Variants in ST6GALNAC3 observed in about 807,000 individuals in gnomAD.
ST6GALNAC3 encodes the protein ST6 N-acetylgalactosaminide alpha-2,6-sialyltransferase 3, also known as alpha-N-acetylgalactosaminide alpha-2,6-sialyltransferase 3.
A neutral mutation model predicts 32.7 loss-of-function variants in ST6GALNAC3; 25 were observed. That is an observed-to-expected ratio of 0.76 (90% confidence interval 0.56 to 1.07). The LOEUF (loss-of-function observed/expected upper bound fraction) is 1.07. ST6GALNAC3 is among the 50% of genes least tolerant of loss of function. The pLI, the probability that ST6GALNAC3 is intolerant of heterozygous loss-of-function variation, is 0.00. For missense variants in ST6GALNAC3, 355 were observed against 382.4 expected (o/e 0.93, Z 0.60); for synonymous variants, 129 against 133.1 (o/e 0.97, Z 0.21).
At chr1:76,336,229 C>G (rs1647462117) in intron 2 of ST6GALNAC3, among the ~76,000 whole-genome samples, 1 of 152,116 alleles carries the variant, frequency 6.6e-6, no homozygotes, top group African/African-American at 2.4e-5. Context: ...GTTCAGTGAT[C>G]TTGAATTTTT....
intron 2 of ST6GALNAC3, among the ~76,000 whole-genome samples, chr1:76,397,374 T>TTTC (rs1275551607): frequency 6.7e-6 from 1 of 149,592 alleles, no homozygotes; most frequent in Non-Finnish European, 1.5e-5. Flanking sequence ...AGATGCTTTT[T>TTTC]TTTTTTTTTT....
At chr1:76,475,411 G>C (rs1237687019) in intron 3 of ST6GALNAC3, among the ~76,000 whole-genome samples, 1 of 152,134 alleles carries the variant, frequency 6.6e-6, no homozygotes, top group Admixed American at 6.6e-5. Flanking sequence ...AGCAGAATAT[G>C]TATGAAAAGC....
chr1:76,572,893 A>G (rs1557587640), intron 3 of ST6GALNAC3, among the ~76,000 whole-genome samples: 1 of 152,110 alleles, frequency 6.6e-6, no homozygotes, highest in Non-Finnish European at 1.5e-5. Context: ...GAAGAATTTT[A>G]GGTAGTGTCT....
At chr1:76,146,244 C>A (rs1182010109) in intron 1 of ST6GALNAC3, among the ~76,000 whole-genome samples, 1 of 152,188 alleles carries the variant, frequency 6.6e-6, no homozygotes, top group Non-Finnish European at 1.5e-5. Flanking sequence ...CCTTCTCTAT[C>A]CCTTCAGGAT....
chr1:76,332,816 C>T (rs1647215958), intron 2 of ST6GALNAC3, among the ~76,000 whole-genome samples: 1 of 152,088 alleles, frequency 6.6e-6, no homozygotes, highest in Non-Finnish European at 1.5e-5. Flanking sequence ...ATATTTAATA[C>T]ATTTCTGAAT....
At chr1:76,403,877 T>TGG (rs1180426862) in intron 2 of ST6GALNAC3, among the ~76,000 whole-genome samples, 1 of 152,068 alleles carries the variant, frequency 6.6e-6, no homozygotes, top group African/African-American at 2.4e-5. Flanking sequence ...ATATGAATTA[T>TGG]TACCATAATT....
intron 3 of ST6GALNAC3, among the ~76,000 whole-genome samples, chr1:76,459,406 T>C (rs1398443188): frequency 2.0e-5 from 3 of 151,904 alleles, no homozygotes; most frequent in Admixed American, 2.0e-4. Context: ...CTACTAAAAA[T>C]ACAAAAAATT....
In ST6GALNAC3 at chr1:76,083,991, T is replaced by C. The variant is rs547283177; in HGVS notation, c.18+9107T>C. ...TTTTTAAAAGGTAAATTAATTAAAA[T>C]GAAATGAAATTTTAAAAATGTGGTT... On this transcript the variant is annotated intron_variant, in intron 1 of 4. Coordinates refer to ENST00000328299, the MANE Select transcript of ST6GALNAC3 (RefSeq NM_152996.4). Among the ~76,000 whole-genome samples, 4 of 152,344 alleles carry C rather than the reference T, an allele frequency of 2.6e-5. No homozygotes were observed. In the East Asian group the frequency reaches 7.7e-4, roughly 29 times the overall value.
chr1:76,174,319 G>A (rs1052952221), intron 1 of ST6GALNAC3, among the ~76,000 whole-genome samples: 52 of 152,106 alleles, frequency 3.4e-4, no homozygotes, highest in Non-Finnish European at 7.4e-4. Flanking sequence ...GCTTGTTGTG[G>A]GATGGGGGTG....
Position 76,074,750 on chromosome 1 carries a change from C to T in ST6GALNAC3, c.-117C>T, listed in dbSNP as rs1646787473. On this transcript the variant is annotated 5_prime_UTR_variant, in exon 1 of 5. Coordinates refer to ENST00000328299, the MANE Select transcript of ST6GALNAC3 (RefSeq NM_152996.4). ...TACACCGCGGTCCCCTTATTTGGAT[C>T]TGCGGGAATGTGGGCTGGAGAGGTC... 2 of 1,150,070 alleles carry T rather than the reference C, an allele frequency of 1.7e-6. No individual in the cohort carries two copies. Among genetic ancestry groups the T allele is most frequent in the African/African-American group, 3.1e-5 (2 of 63,700 alleles). The allele number at this position is 1,150,070 out of a possible 1,614,324, so 71.2% of individuals were successfully genotyped here. A position where few individuals can be genotyped will look rare whatever the true frequency, so the allele number is the denominator to read the frequency against.
At chr1:76,544,569 G>A (rs2100312958) in intron 3 of ST6GALNAC3, among the ~76,000 whole-genome samples, 1 of 152,280 alleles carries the variant, frequency 6.6e-6, no homozygotes, top group Non-Finnish European at 1.5e-5. Context: ...TTCCTGGCAA[G>A]AGCAACTTGC....
chr1:76,373,903 C>A (rs1320874606), intron 2 of ST6GALNAC3, among the ~76,000 whole-genome samples: 3 of 152,150 alleles, frequency 2.0e-5, no homozygotes, highest in Admixed American at 2.0e-4. Flanking sequence ...AACCCCTTCC[C>A]ACCCCCACCA....
chr1:76,528,716 A>G (rs1442212315), intron 3 of ST6GALNAC3, among the ~76,000 whole-genome samples: 1 of 151,794 alleles, frequency 6.6e-6, no homozygotes, highest in Non-Finnish European at 1.5e-5. Flanking sequence ...ATCAGCATCC[A>G]TGCCTGAAGT....
At chr1:76,466,349 A>G (rs1028265312) in intron 3 of ST6GALNAC3, among the ~76,000 whole-genome samples, 6 of 152,072 alleles carry the variant, frequency 3.9e-5, no homozygotes, top group African/African-American at 7.2e-5. Context: ...TATTCTGACT[A>G]CCAGTTCACA....
At chr1:76,127,902 CT>C (rs1267147036) in intron 1 of ST6GALNAC3, among the ~76,000 whole-genome samples, 1 of 152,168 alleles carries the variant, frequency 6.6e-6, no homozygotes, top group Non-Finnish European at 1.5e-5. Flanking sequence ...TTACTCTCAC[CT>C]TTAAGGCCCT....
At chr1:76,138,426 T>C (rs1650083691) in intron 1 of ST6GALNAC3, among the ~76,000 whole-genome samples, 2 of 147,994 alleles carry the variant, frequency 1.4e-5, no homozygotes, top group South Asian at 4.2e-4. Flanking sequence ...CTGGTGAAAT[T>C]GAAAAAAACC....
At chr1:76,155,438 G>T (rs986734499) in intron 1 of ST6GALNAC3, among the ~76,000 whole-genome samples, 8 of 152,046 alleles carry the variant, frequency 5.3e-5, no homozygotes, top group Non-Finnish European at 1.0e-4. Context: ...TATGAATATA[G>T]CAAGAGTTCC....
At chr1:76,142,001 G>A (rs548803066) in intron 1 of ST6GALNAC3, among the ~76,000 whole-genome samples, 1 of 152,328 alleles carries the variant, frequency 6.6e-6, no homozygotes, top group Non-Finnish European at 1.5e-5. Context: ...AAGGGCAACA[G>A]AATCTCCAGG....
rs74092722 is a variant in ST6GALNAC3, at chr1:76,229,070, A to G, written c.19-84735A>G. Among the ~76,000 whole-genome samples the G allele has an allele frequency of 7.6e-3, 1,153 of 152,268 alleles. 14 individuals carry two copies. The highest frequency in any genetic ancestry group is 0.026 in the African/African-American group (1,095 of 41,568). On this transcript the variant is annotated intron_variant, in intron 1 of 4. Transcript: ENST00000328299. The stretch of plus-strand genomic sequence containing the variant: ...GCTGAGAGACTGATTATATGAATGG[A>G]CAATGGCCAGACCCTATATGAAAAC...
Sources: gnomAD v4.1 joint callset for allele counts (sites outside exome capture counted in the v4.1 genomes callset) on GRCh38, gnomAD v4.1.1 for gene constraint, MANE v1.5 for transcripts, NCBI Gene and HGNC (gene_info 2026-07-23, HGNC 2026-07-21) for gene names.